The following GNAL variants were observed in gnomAD, a reference collection of about 807,000 sequenced individuals.
GNAL encodes the protein G protein subunit alpha L.
A neutral mutation model predicts 55.1 loss-of-function variants in GNAL; 18 were observed. That is an observed-to-expected ratio of 0.33 (90% CI 0.23 to 0.48). The LOEUF (loss-of-function observed/expected upper bound fraction) is 0.48. Ranked by LOEUF, GNAL falls within the 20% of genes least tolerant of loss-of-function variation. GNAL has a pLI of 0.99. For synonymous variants in GNAL, 253 were observed against 237.0 expected (o/e 1.07, Z -0.62); for missense variants, 412 against 614.1 (o/e 0.67, Z 3.48).
chr18:11,705,633 T>C (rs2031689445), intron 1 of GNAL, among the ~76,000 whole-genome samples: 1 of 152,198 alleles, frequency 6.6e-6, no homozygotes, highest in South Asian at 2.1e-4. Context: ...CTTTTGTCTT[T>C]TTGATAATGG....
chr18:11,866,049 A>G (rs1598439126), intron 7 of GNAL, among the ~76,000 whole-genome samples: 1 of 149,824 alleles, frequency 6.7e-6, no homozygotes, highest in Non-Finnish European at 1.5e-5. Context: ...AACCCTTCAC[A>G]TGGCCACTGT....
chr18:11,750,286 G>A (rs1050173053), intron 1 of GNAL, among the ~76,000 whole-genome samples: 1 of 152,196 alleles, frequency 6.6e-6, no homozygotes, highest in African/African-American at 2.4e-5. Context: ...CACGGGGCAT[G>A]AGCTCAATCC....
At chr18:11,690,537 CCATGCTGGTGTGCTG>C (rs1054976815) in intron 1 of GNAL, among the ~76,000 whole-genome samples, 1 of 151,094 alleles carries the variant, frequency 6.6e-6, no homozygotes, top group African/African-American at 2.4e-5. Flanking sequence ...TATACATGTG[CCATGCTGGTGTGCTG>C]CACCCATTAA....
intron 1 of GNAL, chr18:11,746,698 G>A: frequency 7.1e-6 from 2 of 283,100 alleles, no homozygotes; most frequent in Non-Finnish European, 7.0e-6. Flanking sequence ...TTTTATTAGG[G>A]GCTTGGACTC....
chr18:11,698,711 G>A (rs866918408), intron 1 of GNAL, among the ~76,000 whole-genome samples: 4 of 145,398 alleles, frequency 2.8e-5, no homozygotes, highest in Admixed American at 6.6e-5. Flanking sequence ...TGACGGATGA[G>A]ACTGGAATGG....
intron 4 of GNAL, among the ~76,000 whole-genome samples, chr18:11,767,570 C>T (rs923120797): frequency 3.9e-5 from 6 of 152,142 alleles, no homozygotes; most frequent in East Asian, 3.9e-4. Context: ...GCACTCTCCA[C>T]GCCCTTGGCC....
At chr18:11,779,444 A>G (rs2033870468) in intron 4 of GNAL, among the ~76,000 whole-genome samples, 1 of 152,214 alleles carries the variant, frequency 6.6e-6, no homozygotes, top group Admixed American at 6.5e-5. Context: ...ACTTTCTTAC[A>G]GACAAGAAGA....
intron 10 of GNAL, among the ~76,000 whole-genome samples, chr18:11,872,774 A>G (rs900709286): frequency 1.3e-5 from 2 of 152,128 alleles, no homozygotes; most frequent in Non-Finnish European, 2.9e-5. Context: ...CCTGCATGGT[A>G]GTTTCTATTA....
At chr18:11,784,930 G>A (rs971645845) in intron 4 of GNAL, among the ~76,000 whole-genome samples, 12 of 152,144 alleles carry the variant, frequency 7.9e-5, no homozygotes, top group African/African-American at 2.9e-4. Context: ...TAGAAAAGGG[G>A]AATAAACAAG....
At chr18:11,875,705 C>T (rs1264809895) in intron 10 of GNAL, among the ~76,000 whole-genome samples, 1 of 152,226 alleles carries the variant, frequency 6.6e-6, no homozygotes, top group Non-Finnish European at 1.5e-5. Context: ...GCTTCCCGTA[C>T]AGCCTGCAGA....
intron 4 of GNAL, among the ~76,000 whole-genome samples, chr18:11,791,974 T>G (rs923987361): frequency 2.7e-4 from 41 of 152,234 alleles, no homozygotes; most frequent in African/African-American, 8.2e-4. Flanking sequence ...TCATTTTGAT[T>G]ATGACTATTG....
chr18:11,718,184 A>G (rs1009998228), intron 1 of GNAL, among the ~76,000 whole-genome samples: 1 of 152,238 alleles, frequency 6.6e-6, no homozygotes, highest in African/African-American at 2.4e-5. Flanking sequence ...GGAAAATTTG[A>G]AAAGTAAGGA....
intron 4 of GNAL, among the ~76,000 whole-genome samples, chr18:11,755,026 G>A (rs2032999586): frequency 6.6e-6 from 1 of 150,878 alleles, no homozygotes; most frequent in Non-Finnish European, 1.5e-5. Context: ...GTGTGTGTGT[G>A]TGTATGTGTA....
At chr18:11,753,063 G>C in intron 2 of GNAL, 138 bp downstream of exon 2, 1 of 577,758 alleles carries the variant, frequency 1.7e-6, no homozygotes. Flanking sequence ...TTAGATATTT[G>C]CTGTTGGATT....
intron 11 of GNAL, among the ~76,000 whole-genome samples, chr18:11,880,341 G>C (rs1331336110): frequency 2.7e-5 from 4 of 150,624 alleles, no homozygotes; most frequent in African/African-American, 4.9e-5. Context: ...GGCCGAGGTG[G>C]GCGGATCACT....
intron 1 of GNAL, among the ~76,000 whole-genome samples, chr18:11,719,443 T>C (rs2032044504): frequency 6.6e-6 from 1 of 152,138 alleles, no homozygotes; most frequent in African/African-American, 2.4e-5. Context: ...GTGGATAAAA[T>C]CCAAGGCCTC....
intron 1 of GNAL, among the ~76,000 whole-genome samples, chr18:11,741,898 A>G (rs775981933): frequency 2.0e-5 from 3 of 152,188 alleles, no homozygotes; most frequent in Non-Finnish European, 4.4e-5. Flanking sequence ...CATTTAAATC[A>G]TTTTTAAGAG....
At chr18:11,849,304 C>A (rs1360110872) in intron 5 of GNAL, among the ~76,000 whole-genome samples, 1 of 152,248 alleles carries the variant, frequency 6.6e-6, no homozygotes, top group Non-Finnish European at 1.5e-5. Flanking sequence ...GAGTTCGAGG[C>A]CAGCCTGACC....
chr18:11,708,442 A>G (rs2031764320), intron 1 of GNAL, among the ~76,000 whole-genome samples: 1 of 152,190 alleles, frequency 6.6e-6, no homozygotes, highest in African/African-American at 2.4e-5. Flanking sequence ...TGACACCTCA[A>G]AACAACTACA....
Sources: allele counts gnomAD v4.1 joint callset (sites outside exome capture counted in the v4.1 genomes callset), GRCh38; gene constraint gnomAD v4.1.1; transcripts MANE v1.5; gene names NCBI Gene and HGNC (gene_info 2026-07-23, HGNC 2026-07-21).